The following MSI2 variants were observed in gnomAD, a reference collection of about 807,000 sequenced individuals.
The protein encoded by MSI2 is RNA-binding protein Musashi homolog 2.
In MSI2, 17 loss-of-function variants were observed where a neutral mutation model predicts 45.6. That is an observed-to-expected ratio of 0.37 (90% CI 0.26 to 0.56). The LOEUF is 0.56. Among genes scored for constraint, MSI2 ranks in the 20% least tolerant of loss-of-function variants. The pLI is 0.77. For missense variants in MSI2, 293 were observed against 444.2 expected (o/e 0.66, Z 3.06); for synonymous variants, 156 against 158.2 (o/e 0.99, Z 0.11).
At chr17:57,512,417 T>C (rs1048254458) in intron 6 of MSI2, among the ~76,000 whole-genome samples, 3 of 152,196 alleles carry the variant, frequency 2.0e-5, no homozygotes, top group African/African-American at 7.2e-5. Context: ...GGGTAATAGC[T>C]CTGAAGCTGC....
chr17:57,563,995 A>T (rs1488982506), intron 7 of MSI2, among the ~76,000 whole-genome samples: 1 of 152,114 alleles, frequency 6.6e-6, no homozygotes, highest in Non-Finnish European at 1.5e-5. Flanking sequence ...GAGGCGTGTC[A>T]CATTTCCCAA....
At chr17:57,458,036 T>C (rs2085149242) in intron 6 of MSI2, among the ~76,000 whole-genome samples, 1 of 151,816 alleles carries the variant, frequency 6.6e-6, no homozygotes, top group Non-Finnish European at 1.5e-5. Flanking sequence ...AGATATCAGA[T>C]ACCATATTGC....
chr17:57,360,836 T>C (rs1176186180), intron 5 of MSI2, among the ~76,000 whole-genome samples: 1 of 152,240 alleles, frequency 6.6e-6, no homozygotes, highest in African/African-American at 2.4e-5. Context: ...TAATTGACCC[T>C]TTGTACCTGC....
chr17:57,396,875 C>G (rs2083900797), intron 5 of MSI2, among the ~76,000 whole-genome samples: 1 of 152,194 alleles, frequency 6.6e-6, no homozygotes, highest in Admixed American at 6.5e-5. Context: ...GGAGGGGCGC[C>G]TGCTGGGAGA....
At chr17:57,676,854 C>G in intron 12 of MSI2, 133 bp from the exon 13 acceptor site, 1 of 723,512 alleles carries the variant, frequency 1.4e-6, no homozygotes, top group South Asian at 1.6e-5. Flanking sequence ...CCCCTCATGG[C>G]ACGGTGTCTC....
At chr17:57,380,912 C>T (rs2144025245) in intron 5 of MSI2, among the ~76,000 whole-genome samples, 2 of 152,190 alleles carry the variant, frequency 1.3e-5, no homozygotes, top group South Asian at 4.2e-4. Flanking sequence ...TCTGTGCTCC[C>T]CCATCCAGGT....
intron 5 of MSI2, among the ~76,000 whole-genome samples, chr17:57,375,808 G>A (rs978178637): frequency 3.3e-5 from 5 of 152,106 alleles, no homozygotes; most frequent in Non-Finnish European, 1.5e-5. Flanking sequence ...AAAGGATGAC[G>A]AGACTCCCCT....
rs1017816412 is a variant in MSI2 at position 57,280,337 on chromosome 17, C to A, written c.312+18145C>A. Reference sequence around the variant, plus strand: ...CTACACGAAAAGTGGCTTGTGGGTACCCCAGGGGGCTGTGGGGGAATCAGT... The same window carrying A: ...CTACACGAAAAGTGGCTTGTGGGTAACCCAGGGGGCTGTGGGGGAATCAGT... On this transcript the variant is annotated intron_variant, in intron 5 of 13. Coordinates refer to ENST00000284073, the MANE Select transcript of MSI2 (RefSeq NM_138962.4). The surrounding 1 kb of genome is among the most constrained non-coding windows in gnomAD (Gnocchi z 4.2). 6.6e-6 allele frequency among the ~76,000 whole-genome samples: 1 copy of A among 152,104 alleles called. No individual in the cohort carries two copies. Among genetic ancestry groups the A allele is most frequent in the African/African-American group, 2.4e-5 (1 of 41,416 alleles).
chr17:57,267,681 C>T (rs1049476579), intron 5 of MSI2: 1 of 151,834 alleles, frequency 6.6e-6, no homozygotes, highest in Non-Finnish European at 1.5e-5. Flanking sequence ...GTTCATTTAA[C>T]AAGAGCTGGG....
intron 10 of MSI2, chr17:57,632,988 C>T (rs1909535633): frequency 9.5e-7 from 1 of 1,049,396 alleles, no homozygotes; most frequent in South Asian, 4.6e-5. Context: ...GGCTTTTCCC[C>T]ATCTCCATAT....
intron 5 of MSI2, among the ~76,000 whole-genome samples, chr17:57,363,198 G>A (rs540344716): frequency 2.0e-5 from 3 of 152,218 alleles, no homozygotes; most frequent in Admixed American, 2.0e-4. Context: ...AGGCAATTCC[G>A]ATAGATGCTA....
chr17:57,675,250 A>C, intron 12 of MSI2, 124 bp downstream of exon 12: 5 of 936,320 alleles, frequency 5.3e-6, no homozygotes, highest in Non-Finnish European at 8.1e-6. Context: ...CCCCATCAAC[A>C]TCACACCAGC....
At chr17:57,689,473 G>T (rs57050445), downstream of MSI2, among the ~76,000 whole-genome samples, 1 of 152,230 alleles carries the variant, frequency 6.6e-6, no homozygotes, top group South Asian at 2.1e-4. Context: ...AAATACAACA[G>T]TTTCAAGGCC....
intron 11 of MSI2, among the ~76,000 whole-genome samples, chr17:57,669,619 C>A (rs1166176428): frequency 6.6e-6 from 1 of 152,162 alleles, no homozygotes; most frequent in Non-Finnish European, 1.5e-5. Flanking sequence ...CTTTAAATTT[C>A]TCTGAAACAA....
intron 8 of MSI2, among the ~76,000 whole-genome samples, chr17:57,607,337 A>G (rs1031938225): frequency 1.3e-5 from 2 of 152,200 alleles, no homozygotes; most frequent in African/African-American, 4.8e-5. Flanking sequence ...TATAACATGC[A>G]TGTGTCCTGG....
chr17:57,270,025 C>G (rs1416751119), intron 5 of MSI2, among the ~76,000 whole-genome samples: 1 of 152,146 alleles, frequency 6.6e-6, no homozygotes, highest in Non-Finnish European at 1.5e-5. Flanking sequence ...AAGATATTTT[C>G]CATTCTCCCT....
At chr17:57,500,073 G>A (rs755016805) in intron 6 of MSI2, among the ~76,000 whole-genome samples, 1 of 152,176 alleles carries the variant, frequency 6.6e-6, no homozygotes, top group Non-Finnish European at 1.5e-5. Flanking sequence ...ATCGTAGATC[G>A]CATGTGGCAC....
intron 5 of MSI2, among the ~76,000 whole-genome samples, chr17:57,333,578 C>G (rs1914448715): frequency 6.6e-6 from 1 of 151,982 alleles, no homozygotes; most frequent in Non-Finnish European, 1.5e-5. Context: ...GCTTGGATTA[C>G]AGGTGTGTGC....
At chr17:57,579,291 T>C (rs2088136124) in intron 7 of MSI2, among the ~76,000 whole-genome samples, 1 of 152,198 alleles carries the variant, frequency 6.6e-6, no homozygotes, top group Non-Finnish European at 1.5e-5. Context: ...TGGCTATCTG[T>C]GCTCGGTGAT....
Sources: gnomAD v4.1 joint callset for allele counts (sites outside exome capture counted in the v4.1 genomes callset) on GRCh38, gnomAD v4.1.1 for gene constraint, Gnocchi (gnomAD v3.1) non-coding constraint, MANE v1.5 for transcripts, NCBI Gene and HGNC (gene_info 2026-07-23, HGNC 2026-07-21) for gene names.